Variants in PKP4 observed in about 807,000 individuals in gnomAD.
PKP4 encodes plakophilin-4.
A neutral mutation model predicts 145.1 loss-of-function variants in PKP4; 90 were observed. The ratio of observed to expected loss-of-function variants is 0.62; its 90% CI spans 0.52 to 0.74. The LOEUF is 0.74. Ranked by LOEUF, PKP4 falls within the 30% of genes least tolerant of loss-of-function variation. The pLI is 0.00. For synonymous variants in PKP4, 563 were observed against 577.2 expected (o/e 0.98, Z 0.35); for missense variants, 1,340 against 1,482.7 (o/e 0.90, Z 1.58).
chr2:158,575,053 C>T (rs1424401174), intron 2 of PKP4, among the ~76,000 whole-genome samples: 1 of 152,144 alleles, frequency 6.6e-6, no homozygotes, highest in Admixed American at 6.5e-5. Flanking sequence ...TGAATTCCCA[C>T]ATTTGTTACA....
chr2:158,545,180 C>T (rs1443493098), intron 2 of PKP4, among the ~76,000 whole-genome samples: 1 of 143,786 alleles, frequency 7.0e-6, no homozygotes, highest in Non-Finnish European at 1.5e-5. Flanking sequence ...ATCACTTCCC[C>T]CTTTGGGGGC....
chr2:158,493,896 C>G (rs1270627651), intron 1 of PKP4, among the ~76,000 whole-genome samples: 1 of 152,134 alleles, frequency 6.6e-6, no homozygotes, highest in African/African-American at 2.4e-5. Flanking sequence ...TTTTTTCAGT[C>G]TTCTTTCATT....
intron 7 of PKP4, among the ~76,000 whole-genome samples, chr2:158,626,987 C>T (rs1267242414): frequency 6.6e-6 from 1 of 151,900 alleles, no homozygotes; most frequent in African/African-American, 2.4e-5. Context: ...AAATTAGTAT[C>T]TTTTTTATGT....
chr2:158,481,430 T>C (rs1693338475), intron 1 of PKP4, among the ~76,000 whole-genome samples: 2 of 152,222 alleles, frequency 1.3e-5, no homozygotes, highest in African/African-American at 4.8e-5. Flanking sequence ...CTGGGTCATA[T>C]GGAAGCTCTA....
At chr2:158,472,012 C>T (rs773241968) in intron 1 of PKP4, among the ~76,000 whole-genome samples, 1 of 152,194 alleles carries the variant, frequency 6.6e-6, no homozygotes, top group East Asian at 1.9e-4. Context: ...TAGCACAGAA[C>T]TGAAAGTGAA....
Position 158,631,772 on chromosome 2 carries a change from T to A in PKP4, c.1173T>A (p.Ala391=). Residue 391 remains alanine, a synonymous_variant, in exon 8 of 22, where the codon GCT becomes GCA. Transcript: ENST00000389759. ...DSLTGLRSSY[A]SQHSQLGQDL... The stretch of plus-strand genomic sequence containing the variant: ...CTCTAGGCTTACGGAGTTCCTATGC[T>A]AGTCAGCATAGTCAGCTTGGGCAAG... 6.2e-7 allele frequency: 1 copy of A among 1,613,964 alleles called. No individual in the cohort carries two copies.
intron 1 of PKP4, among the ~76,000 whole-genome samples, chr2:158,529,189 CT>C (rs1362402389): frequency 2.0e-5 from 3 of 152,168 alleles, no homozygotes; most frequent in Non-Finnish European, 4.4e-5. Context: ...TTGCTCCAAC[CT>C]TTAATTTTGA....
intron 2 of PKP4, 66 bp downstream of exon 2, chr2:158,533,382 GAT>G (rs1268501633): frequency 1.3e-5 from 20 of 1,569,520 alleles, no homozygotes; most frequent in Non-Finnish European, 9.6e-6. Flanking sequence ...TTAATCTTTG[GAT>G]ATGTTTTAAA....
In PKP4 at chr2:158,661,386, G is replaced by A. The variant is rs2056566554; in HGVS notation, c.2147G>A (p.Gly716Glu). The change falls in exon 13 of 22, where the codon GGG (glycine) becomes GAG (glutamate). Residue 716 changes from glycine to glutamate, a missense_variant. Gly to Glu is a moderately conservative substitution (Grantham distance 98). Coordinates refer to ENST00000389759, the MANE Select transcript of PKP4 (RefSeq NM_003628.6). ...EARKQMRSCEGLVDSLLYVIH... is the reference protein window; with the variant it reads ...EARKQMRSCEELVDSLLYVIH... Reference sequence around the variant, plus strand: ...CGGAAGCAAATGCGGTCCTGCGAGGGGCTGGTAGACTCACTGTTGTATGTG... The same window carrying A: ...CGGAAGCAAATGCGGTCCTGCGAGGAGCTGGTAGACTCACTGTTGTATGTG... 1 of 1,613,814 alleles carries A rather than the reference G, an allele frequency of 6.2e-7. No individual in the cohort carries two copies. Among genetic ancestry groups the A allele is most frequent in the African/African-American group, 1.3e-5 (1 of 74,904 alleles).
At chr2:158,463,906 A>G (rs1690178759) in intron 1 of PKP4, among the ~76,000 whole-genome samples, 4 of 152,120 alleles carry the variant, frequency 2.6e-5, no homozygotes, top group Admixed American at 2.0e-4. Context: ...GTAGTGGTGA[A>G]GTGCTCCAGG....
intron 1 of PKP4, among the ~76,000 whole-genome samples, chr2:158,469,647 T>C (rs762528120): frequency 4.6e-5 from 7 of 152,226 alleles, no homozygotes; most frequent in Non-Finnish European, 8.8e-5. Flanking sequence ...TTTATGTTCA[T>C]TCTAATATTT....
At chr2:158,461,074 GT>G (rs1486592151) in intron 1 of PKP4, among the ~76,000 whole-genome samples, 1 of 152,178 alleles carries the variant, frequency 6.6e-6, no homozygotes, top group Non-Finnish European at 1.5e-5. Context: ...AAATAACAGG[GT>G]TATTTCAAGG....
chr2:158,541,149 C>A (rs1287027871), intron 2 of PKP4, among the ~76,000 whole-genome samples: 3 of 152,046 alleles, frequency 2.0e-5, no homozygotes, highest in Non-Finnish European at 4.4e-5. Context: ...ATGTTTTTCC[C>A]TTCAGGTATA....
intron 20 of PKP4, 88 bp downstream of exon 20, chr2:158,676,955 T>C (rs759371841): frequency 1.7e-5 from 25 of 1,488,798 alleles, no homozygotes; most frequent in Non-Finnish European, 2.2e-5. Context: ...TAGCCTGTGC[T>C]TGTATTGAGA....
chr2:158,551,461 T>C (rs948631618), intron 2 of PKP4, among the ~76,000 whole-genome samples: 2 of 152,158 alleles, frequency 1.3e-5, no homozygotes, highest in Non-Finnish European at 2.9e-5. Flanking sequence ...TCAGTTAGCA[T>C]TCCCCCTTCT....
intron 11 of PKP4, among the ~76,000 whole-genome samples, chr2:158,655,321 G>T (rs897136706): frequency 6.6e-6 from 1 of 152,158 alleles, no homozygotes; most frequent in Non-Finnish European, 1.5e-5. Flanking sequence ...CCACCAGCAT[G>T]AAAATCAGGG....
At chr2:158,557,931 C>A (rs1442903237) in intron 2 of PKP4, among the ~76,000 whole-genome samples, 2 of 152,142 alleles carry the variant, frequency 1.3e-5, no homozygotes, top group African/African-American at 4.8e-5. Flanking sequence ...CAAGAAGAGA[C>A]CCATTAGATA....
chr2:158,653,189 T>G (rs1158287767), intron 11 of PKP4, among the ~76,000 whole-genome samples: 1 of 152,244 alleles, frequency 6.6e-6, no homozygotes, highest in Non-Finnish European at 1.5e-5. Flanking sequence ...AGAAAAACAG[T>G]TGTATAGGCT....
intron 2 of PKP4, among the ~76,000 whole-genome samples, chr2:158,551,504 A>G (rs755726015): frequency 5.3e-5 from 8 of 152,184 alleles, no homozygotes; most frequent in Non-Finnish European, 8.8e-5. Flanking sequence ...TCCTCAACCT[A>G]AAGACTGAAA....
Sources: allele counts gnomAD v4.1 joint callset (sites outside exome capture counted in the v4.1 genomes callset), GRCh38; gene constraint gnomAD v4.1.1; transcripts MANE v1.5; gene names NCBI Gene and HGNC (gene_info 2026-07-23, HGNC 2026-07-21).